Variants in COL11A1 observed in about 807,000 individuals in gnomAD.
The protein encoded by COL11A1 is collagen alpha-1(XI) chain.
COL11A1 carries 74 observed loss-of-function variants against 265.2 expected under a neutral mutation model. The ratio of observed to expected loss-of-function variants is 0.28; its 90% CI spans 0.23 to 0.34. The LOEUF (loss-of-function observed/expected upper bound fraction) is 0.34, where lower values mean the gene tolerates loss of function less well. COL11A1 is among the 10% of genes least tolerant of loss of function. The pLI is 1.00. For missense variants in COL11A1, 2,165 were observed against 2,263.6 expected (o/e 0.96, Z 0.88); for synonymous variants, 816 against 727.6 (o/e 1.12, Z -1.96).
chr1:102,995,156 G>A (rs1570975242), intron 28 of COL11A1, among the ~76,000 whole-genome samples: 1 of 152,050 alleles, frequency 6.6e-6, no homozygotes, highest in Non-Finnish European at 1.5e-5. Context: ...CTATCACTGA[G>A]TAATGTCATT....
chr1:102,889,848 A>G (rs548018404), intron 58 of COL11A1, among the ~76,000 whole-genome samples: 11 of 152,070 alleles, frequency 7.2e-5, no homozygotes, highest in Admixed American at 1.3e-4. Flanking sequence ...CATTTGAGGA[A>G]TCTCTAAACC....
At chr1:103,037,627 A>T (rs1668479967) in intron 4 of COL11A1, among the ~76,000 whole-genome samples, 1 of 152,224 alleles carries the variant, frequency 6.6e-6, no homozygotes, top group South Asian at 2.1e-4. Flanking sequence ...TAACTAAAAC[A>T]GTTAATGCAG....
chr1:103,045,325 T>C lies in COL11A1; in HGVS notation c.652-14081A>G, dbSNP rs1669158972. Among the ~76,000 whole-genome samples the C allele has an allele frequency of 2.6e-5, 4 of 152,172 alleles. No individual in the cohort carries two copies. The South Asian group carries it at 8.3e-4, about 32-fold the overall frequency. ...TTCATTTGTTCTTTTGGCCAGGTGC[T>C]ACTTGAAAGAAATAGACTTGCTTTT... On this transcript the variant is annotated intron_variant, in intron 4 of 66. Coordinates refer to ENST00000370096, the MANE Select transcript of COL11A1 (RefSeq NM_001854.4).
At position 103,069,654 on chromosome 1, in the gene COL11A1, G is replaced by A. The variant is rs150977250; in HGVS notation, c.651+4964C>T. 3.2e-3 allele frequency among the ~76,000 whole-genome samples: 490 copies of A among 151,838 alleles called. 5 individuals carry two copies. Among genetic ancestry groups the A allele is most frequent in the African/African-American group, 0.011 (470 of 41,466 alleles). ...AAAAAATATTTGCAAACATATATCA[G>A]ACAAAAAATCTTTATGCAGGATAAA... On this transcript the variant is annotated intron_variant, in intron 4 of 66. Transcript: ENST00000370096.
Position 103,021,787 on chromosome 1 carries a change from CA to C in COL11A1, c.1246-19del. On this transcript the variant is annotated intron_variant, in intron 8 of 66. Coordinates refer to ENST00000370096, the MANE Select transcript of COL11A1 (RefSeq NM_001854.4). ...CCATTTATCTGTTGAATGAAATATT[CA>C]AAACAGCCTAAATGTCTGTAAGACC... The C allele has an allele frequency of 6.5e-7, 1 of 1,546,488 alleles. No individual in the cohort carries two copies. Among genetic ancestry groups the C allele is most frequent in the Non-Finnish European group, 8.9e-7 (1 of 1,118,592 alleles).
intron 4 of COL11A1, among the ~76,000 whole-genome samples, chr1:103,062,628 T>C (rs973823654): frequency 6.6e-6 from 1 of 152,056 alleles, no homozygotes; most frequent in Non-Finnish European, 1.5e-5. Context: ...CATTCATTCA[T>C]GATTTTAAAA....
intron 24 of COL11A1, chr1:103,000,986 T>C (rs976199204): frequency 5.1e-6 from 2 of 390,480 alleles, no homozygotes; most frequent in Non-Finnish European, 9.0e-6. Flanking sequence ...ATGAAAGAAG[T>C]CAGACATAAA....
At chr1:103,018,648 T>C (rs538031683) in intron 10 of COL11A1, among the ~76,000 whole-genome samples, 170 bp downstream of exon 10, 58 of 152,284 alleles carry the variant, frequency 3.8e-4, no homozygotes, top group African/African-American at 1.4e-3. Flanking sequence ...GAGTATTACT[T>C]GGATAGACAA....
chr1:102,895,007 A>AGT (rs35496168), intron 57 of COL11A1, among the ~76,000 whole-genome samples: 2 of 151,958 alleles, frequency 1.3e-5, no homozygotes, highest in Non-Finnish European at 1.5e-5. Flanking sequence ...AGTGTGTGTG[A>AGT]GTGTGTGTGT....
intron 28 of COL11A1, 137 bp from the exon 29 acceptor site, chr1:102,989,708 C>G (rs1663937670): frequency 2.0e-6 from 1 of 495,586 alleles, no homozygotes; most frequent in Admixed American, 3.3e-5. Flanking sequence ...TGTGAAACTT[C>G]CTCCTCCCTT....
intron 49 of COL11A1, among the ~76,000 whole-genome samples, chr1:102,917,631 T>C (rs902536171): frequency 1.3e-5 from 2 of 151,924 alleles, no homozygotes; most frequent in African/African-American, 4.8e-5. Context: ...AGTAACCCTC[T>C]ATATGTTTTG....
intron 41 of COL11A1, among the ~76,000 whole-genome samples, chr1:102,948,364 AACCCTGAGCTTGGACTCT>A (rs1185126769): frequency 3.9e-5 from 6 of 152,196 alleles, no homozygotes; most frequent in African/African-American, 1.4e-4. Context: ...TAGTTAAGAG[AACCCTGAGCTTGGACTCT>A]ACTCTGATTT....
intron 54 of COL11A1, among the ~76,000 whole-genome samples, chr1:102,904,379 C>G (rs1333081082): frequency 6.6e-6 from 1 of 152,068 alleles, no homozygotes; most frequent in Non-Finnish European, 1.5e-5. Flanking sequence ...CAAATGGGAT[C>G]TAATTAAACT....
intron 57 of COL11A1, among the ~76,000 whole-genome samples, chr1:102,891,686 G>A (rs962376847): frequency 2.0e-5 from 3 of 147,656 alleles, no homozygotes; most frequent in Non-Finnish European, 3.0e-5. Flanking sequence ...ACCAGCCTGG[G>A]TAACACAGTG....
intron 47 of COL11A1, among the ~76,000 whole-genome samples, chr1:102,921,947 T>TA (rs1268762060): frequency 5.3e-5 from 8 of 152,254 alleles, no homozygotes; most frequent in African/African-American, 1.9e-4. Context: ...TAGAATTCAT[T>TA]AACTCAATAG....
At chr1:103,002,541 C>T in intron 22 of COL11A1, 60 bp from the exon 23 acceptor site, 2 of 1,442,394 alleles carry the variant, frequency 1.4e-6, no homozygotes, top group Non-Finnish European at 1.9e-6. Context: ...GATTTTTGTT[C>T]TTCTCAATTG....
chr1:102,951,516 T>G (rs1286891552), intron 41 of COL11A1, among the ~76,000 whole-genome samples: 2 of 151,994 alleles, frequency 1.3e-5, no homozygotes, highest in Non-Finnish European at 2.9e-5. Context: ...GCTAACACGG[T>G]GAAACCCTGT....
intron 4 of COL11A1, among the ~76,000 whole-genome samples, chr1:103,050,220 C>T (rs1340404766): frequency 1.3e-5 from 2 of 152,200 alleles, no homozygotes; most frequent in African/African-American, 4.8e-5. Flanking sequence ...CCATTCTCCC[C>T]GTCACTTTCA....
Position 103,061,489 on chromosome 1 carries a change from T to A in COL11A1, c.651+13129A>T, listed in dbSNP as rs1670670520. Reference sequence around the variant, plus strand: ...TGGACATTCCTCAAGATATACTACATTCATGGCCAAAAAGAAAACTCTTAA... The same window carrying A: ...TGGACATTCCTCAAGATATACTACAATCATGGCCAAAAAGAAAACTCTTAA... On this transcript the variant is annotated intron_variant, in intron 4 of 66. Transcript: ENST00000370096. 2.0e-5 allele frequency among the ~76,000 whole-genome samples: 3 copies of A among 152,180 alleles called. No homozygotes were observed. In the South Asian group the frequency reaches 6.2e-4, roughly 32 times the overall value.
Sources: allele counts gnomAD v4.1 joint callset (sites outside exome capture counted in the v4.1 genomes callset), GRCh38; gene constraint gnomAD v4.1.1; transcripts MANE v1.5; gene names NCBI Gene and HGNC (gene_info 2026-07-23, HGNC 2026-07-21).